Variants in GPC4 observed in about 807,000 individuals in gnomAD.
GPC4 encodes glypican-4.
In GPC4, 10 loss-of-function variants were observed where a neutral mutation model predicts 35.0. The observed-to-expected ratio is 0.29, with a 90% confidence interval of 0.18 to 0.48. GPC4 has a LOEUF of 0.48. Among genes scored for constraint, GPC4 ranks in the 20% least tolerant of loss-of-function variants. GPC4 has a pLI of 0.99. For synonymous variants in GPC4, 167 were observed against 170.2 expected (o/e 0.98, Z 0.15); for missense variants, 322 against 451.3 (o/e 0.71, Z 2.60).
chrX:133,377,746 A>G (rs1262400484), intron 1 of GPC4, among the ~76,000 whole-genome samples: 1 of 110,780 alleles, frequency 9.0e-6, no homozygotes, highest in Non-Finnish European at 1.9e-5. Context: ...GTCACTAAGG[A>G]ACCTGTCCAA....
At chrX:133,386,524 C>G (rs2124170433) in intron 1 of GPC4, among the ~76,000 whole-genome samples, 1 of 111,142 alleles carries the variant, frequency 9.0e-6, no homozygotes, top group East Asian at 2.8e-4. Flanking sequence ...CAATATGCAG[C>G]TCCTAATGAC....
intron 1 of GPC4, among the ~76,000 whole-genome samples, chrX:133,401,433 A>G (rs1268184063): frequency 8.9e-6 from 1 of 111,734 alleles, no homozygotes; most frequent in African/African-American, 3.3e-5. Flanking sequence ...AGTCACTGAG[A>G]TGGTAAGATG....
At chrX:133,379,969 T>G (rs549326249) in intron 1 of GPC4, among the ~76,000 whole-genome samples, 1 of 111,126 alleles carries the variant, frequency 9.0e-6, no homozygotes, top group South Asian at 3.8e-4. Context: ...GTCCTGAATT[T>G]TCTTTACAAA....
chrX:133,372,224 TAAA>T (rs372391787), intron 1 of GPC4, among the ~76,000 whole-genome samples: 3 of 82,542 alleles, frequency 3.6e-5, no homozygotes, highest in African/African-American at 8.8e-5. Flanking sequence ...ACTCCGTCTT[TAAA>T]AAAAAAAAAA....
chrX:133,383,460 G>A (rs1337350368), intron 1 of GPC4, among the ~76,000 whole-genome samples: 1 of 110,837 alleles, frequency 9.0e-6, no homozygotes, highest in Non-Finnish European at 1.9e-5. Context: ...AGGAATTTTA[G>A]GGCAGTGAAA....
chrX:133,393,053 A>C (rs1283250678), intron 1 of GPC4, among the ~76,000 whole-genome samples: 7 of 112,260 alleles, frequency 6.2e-5, no homozygotes, highest in African/African-American at 2.3e-4. Flanking sequence ...ATAAAGAATA[A>C]GAAACTGAAT....
chrX:133,378,489 T>C (rs1470605158), intron 1 of GPC4, among the ~76,000 whole-genome samples: 1 of 103,218 alleles, frequency 9.7e-6, no homozygotes, highest in African/African-American at 3.6e-5. Flanking sequence ...GGCAGGAGAA[T>C]GGTGTGAACC....
At position 133,302,945 on chromosome X, in the gene GPC4, A is replaced by G; in HGVS notation, c.1593T>C (p.Gly531=). The G allele has an allele frequency of 8.3e-7, 1 of 1,211,864 alleles. No individual in the cohort carries two copies. The highest frequency in any genetic ancestry group is 1.1e-6 in the Non-Finnish European group (1 of 895,488). Residue 531 remains glycine, a synonymous_variant, in exon 9 of 9, where the codon GGT becomes GGC. Transcript: ENST00000370828. The part of the protein sequence containing the change: ...KSANEKADSA[G]VRPGAQAYLL... ...GGTAGGCCTGTGCCCCAGGACGGAC[A>G]CCAGCACTGTCGGCTTTCTCATTGG...
intron 4 of GPC4, among the ~76,000 whole-genome samples, chrX:133,309,912 T>C (rs1373478702): frequency 2.7e-5 from 3 of 112,432 alleles, no homozygotes; most frequent in African/African-American, 9.7e-5. Context: ...TTGGCCTGTA[T>C]GTCTTTGCTG....
At chrX:133,354,569 T>TTTATTTATTTA (rs769633001) in intron 1 of GPC4, among the ~76,000 whole-genome samples, 8 of 54,487 alleles carry the variant, frequency 1.5e-4, no homozygotes, top group African/African-American at 7.7e-4. Context: ...TATTTATTTA[T>TTTATTTATTTA]TTTTTTTTTT....
chrX:133,318,621 G>A (rs2068350030), intron 3 of GPC4, among the ~76,000 whole-genome samples: 1 of 111,996 alleles, frequency 8.9e-6, no homozygotes, highest in Non-Finnish European at 1.9e-5. Flanking sequence ...GAAACCATGA[G>A]AATGCAACTC....
chrX:133,395,044 T>C (rs964437888), intron 1 of GPC4, among the ~76,000 whole-genome samples: 2 of 111,709 alleles, frequency 1.8e-5, no homozygotes, highest in Non-Finnish European at 3.8e-5. Context: ...GGTGTTCCTA[T>C]TTTACCCCCA....
At chrX:133,347,248 G>GTTTGTTTTT (rs1556029439) in intron 1 of GPC4, among the ~76,000 whole-genome samples, 3 of 25,415 alleles carry the variant, frequency 1.2e-4, no homozygotes, top group African/African-American at 4.2e-4. Context: ...TCTATTAGAA[G>GTTTGTTTTT]TTTTTTTTTT....
At position 133,305,836 on chromosome X, in the gene GPC4, C is replaced by T. The variant is rs1465868722; in HGVS notation, c.1091G>A (p.Arg364His). Residue 364 changes from arginine to histidine, a missense_variant, in exon 6 of 9, where the codon CGC becomes CAC. Physicochemically the swap from Arg to His is conservative, Grantham distance 29. Coordinates refer to ENST00000370828, the MANE Select transcript of GPC4 (RefSeq NM_001448.3). ...TTCCTCGGGGTGATGTGGTCTGAAG[C>T]GAGCACTGAAGGCACTTTCAGAGAT... ...RSISESAFSARFRPHHPEERP... is the reference protein window; with the variant it reads ...RSISESAFSAHFRPHHPEERP... The T allele has an allele frequency of 2.5e-6, 3 of 1,211,707 alleles. No homozygotes were observed. Among genetic ancestry groups the T allele is most frequent in the East Asian group, 3.0e-5 (1 of 33,840 alleles).
At chrX:133,414,130 T>C (rs1052777584) in intron 1 of GPC4, among the ~76,000 whole-genome samples, 6 of 110,943 alleles carry the variant, frequency 5.4e-5, no homozygotes, top group African/African-American at 1.6e-4. Flanking sequence ...GTAGGAGAGT[T>C]CCCAAAAGTC....
chrX:133,346,608 A>G (rs150689167), intron 1 of GPC4, among the ~76,000 whole-genome samples: 3 of 111,998 alleles, frequency 2.7e-5, no homozygotes, highest in Non-Finnish European at 5.6e-5. Context: ...TAAGGAAATC[A>G]AACAAAAAGG....
At chrX:133,370,402 T>C (rs1193857428) in intron 1 of GPC4, among the ~76,000 whole-genome samples, 2 of 112,273 alleles carry the variant, frequency 1.8e-5, no homozygotes, top group African/African-American at 6.5e-5. Flanking sequence ...TAGAGAATGA[T>C]TTGAAATAAA....
chrX:133,320,646 A>G (rs2068360833), intron 3 of GPC4, among the ~76,000 whole-genome samples: 1 of 97,952 alleles, frequency 1.0e-5, no homozygotes, highest in African/African-American at 4.1e-5. Flanking sequence ...AAAAAAAAAA[A>G]GTAAATTTCT....
At chrX:133,325,700 G>A (rs762999645) in intron 2 of GPC4, among the ~76,000 whole-genome samples, 2 of 112,097 alleles carry the variant, frequency 1.8e-5, no homozygotes, top group African/African-American at 6.5e-5. Flanking sequence ...GAACAGAAAA[G>A]AAAATATGAC....
Sources: allele counts gnomAD v4.1 joint callset (sites outside exome capture counted in the v4.1 genomes callset), GRCh38; gene constraint gnomAD v4.1.1; transcripts MANE v1.5; gene names NCBI Gene and HGNC (gene_info 2026-07-23, HGNC 2026-07-21).